Variants in GRIA2 observed in about 807,000 individuals in gnomAD.
The protein encoded by GRIA2 is glutamate ionotropic receptor AMPA type subunit 2, also known as glutamate receptor 2.
GRIA2 carries 14 observed loss-of-function variants against 97.3 expected under a neutral mutation model. That is an observed-to-expected ratio of 0.14 (90% confidence interval 0.10 to 0.23). The LOEUF (loss-of-function observed/expected upper bound fraction) is 0.23. Ranked by LOEUF, GRIA2 falls within the 10% of genes least tolerant of loss-of-function variation. GRIA2 has a pLI of 1.00. For missense variants in GRIA2, 558 were observed against 1,069.8 expected (o/e 0.52, Z 6.67); for synonymous variants, 412 against 387.8 (o/e 1.06, Z -0.73).
At chr4:157,273,567 A>G (rs1019103002) in intron 2 of GRIA2, among the ~76,000 whole-genome samples, 2 of 152,128 alleles carry the variant, frequency 1.3e-5, no homozygotes, top group Non-Finnish European at 2.9e-5. Flanking sequence ...ACTAGAGGTC[A>G]AAAACACTGT....
At chr4:157,282,076 G>T (rs1467911303) in intron 2 of GRIA2, among the ~76,000 whole-genome samples, 2 of 152,028 alleles carry the variant, frequency 1.3e-5, no homozygotes, top group Non-Finnish European at 2.9e-5. Flanking sequence ...TTCCATTTTT[G>T]CTGTGTCCAA....
chr4:157,245,533 T>C (rs981068337), intron 2 of GRIA2, among the ~76,000 whole-genome samples: 46 of 152,086 alleles, frequency 3.0e-4, no homozygotes, highest in Middle Eastern at 6.8e-3. Context: ...TCTAATAACT[T>C]TGGAAAAATG....
chr4:157,341,783 T>A (rs541177968), intron 12 of GRIA2, among the ~76,000 whole-genome samples: 1 of 152,282 alleles, frequency 6.6e-6, no homozygotes, highest in East Asian at 1.9e-4. Context: ...CAGCAAAACA[T>A]CTTATTTTTA....
intron 2 of GRIA2, among the ~76,000 whole-genome samples, chr4:157,275,243 A>C (rs186336722): frequency 0.028 from 4,294 of 152,010 alleles, 116 homozygotes; most frequent in Middle Eastern, 0.13. Flanking sequence ...AATTTGTTTG[A>C]GTTCATTGTA....
chr4:157,289,189 C>T (rs1172390340), intron 2 of GRIA2, among the ~76,000 whole-genome samples: 1 of 151,744 alleles, frequency 6.6e-6, no homozygotes, highest in Admixed American at 6.6e-5. Flanking sequence ...TGAACAGGGG[C>T]TCTTTTTAAA....
chr4:157,303,332 G>A (rs1471470699), intron 2 of GRIA2, among the ~76,000 whole-genome samples: 1 of 151,944 alleles, frequency 6.6e-6, no homozygotes, highest in South Asian at 2.1e-4. Flanking sequence ...GCATTTTCTT[G>A]TAACCAGAAC....
Position 157,363,020 on chromosome 4 carries a change from T to C in GRIA2, c.2628T>C (p.Tyr876=), listed in dbSNP as rs1176159029. 3.1e-6 allele frequency: 5 copies of C among 1,612,668 alleles called. No individual in the cohort carries two copies. In the South Asian group the frequency reaches 3.3e-5, roughly 11 times the overall value. The change falls in exon 15 of 16, where the codon TAT becomes TAC. Residue 876 remains tyrosine, a synonymous_variant. Transcript: ENST00000264426. The part of the protein sequence containing the change: ...FATYKEGYNV[Y]GIESVKI ...CTTATAAGGAAGGTTACAACGTATA[T>C]GGCATCGAAAGTGTTAAAATTTAGG...
At chr4:157,289,701 T>C (rs1175719862) in intron 2 of GRIA2, among the ~76,000 whole-genome samples, 1 of 151,872 alleles carries the variant, frequency 6.6e-6, no homozygotes, top group Non-Finnish European at 1.5e-5. Context: ...ATGGATTATT[T>C]GTCTTATTTG....
At chr4:157,297,843 T>A (rs1733420326) in intron 2 of GRIA2, among the ~76,000 whole-genome samples, 1 of 151,996 alleles carries the variant, frequency 6.6e-6, no homozygotes, top group South Asian at 2.1e-4. Context: ...TATTTTTAAT[T>A]AAAAATTATA....
chr4:157,360,161 A>G lies in GRIA2; in HGVS notation c.2291+18A>G. Reference sequence around the variant, plus strand: ...TCATTAAGGTGGGTGGAATAGTATAACAATATGCTAAATGTTGTTATAGTA... The same window carrying G: ...TCATTAAGGTGGGTGGAATAGTATAGCAATATGCTAAATGTTGTTATAGTA... On this transcript the variant is annotated intron_variant, in intron 13 of 15. Coordinates refer to ENST00000264426, the MANE Select transcript of GRIA2 (RefSeq NM_001083619.3). 6.2e-7 allele frequency: 1 copy of G among 1,610,676 alleles called. No individual in the cohort carries two copies. The highest frequency in any genetic ancestry group is 8.5e-7 in the Non-Finnish European group (1 of 1,177,332).
rs568830351 is a variant in GRIA2, at chr4:157,262,877, A to G, written c.230-40675A>G. On this transcript the variant is annotated intron_variant, in intron 2 of 15. Coordinates refer to ENST00000264426, the MANE Select transcript of GRIA2 (RefSeq NM_001083619.3). ...TTCCATGTATATTAATACCTCCAAA[A>G]TGATTTATTACTGATCAAAGTTGTA... 1.1e-4 allele frequency among the ~76,000 whole-genome samples: 16 copies of G among 152,172 alleles called. 1 individual carries two copies. In the South Asian group the frequency reaches 3.3e-3, roughly 31 times the overall value.
At chr4:157,225,926 A>G (rs1347127102) in intron 2 of GRIA2, among the ~76,000 whole-genome samples, 2 of 152,158 alleles carry the variant, frequency 1.3e-5, no homozygotes, top group African/African-American at 2.4e-5. Context: ...TTTACATTAT[A>G]AAAGATTTTA....
chr4:157,343,423 T>C (rs1735632520), intron 12 of GRIA2, among the ~76,000 whole-genome samples: 2 of 152,074 alleles, frequency 1.3e-5, no homozygotes, highest in African/African-American at 2.4e-5. Context: ...TAGCCAGGGT[T>C]CTTTCCATAC....
intron 2 of GRIA2, among the ~76,000 whole-genome samples, chr4:157,269,301 C>A (rs1731911308): frequency 6.6e-6 from 1 of 152,008 alleles, no homozygotes; most frequent in Admixed American, 6.6e-5. Flanking sequence ...ACTGGAATGA[C>A]CTACCTATGG....
At chr4:157,336,305 C>G in intron 10 of GRIA2, 72 bp from the exon 11 acceptor site, 1 of 1,190,694 alleles carries the variant, frequency 8.4e-7, no homozygotes, top group South Asian at 1.6e-5. Context: ...TTTCTTTGAT[C>G]CAGTGACATA....
chr4:157,222,150 C>T (rs1432801939), intron 2 of GRIA2, among the ~76,000 whole-genome samples: 2 of 152,086 alleles, frequency 1.3e-5, no homozygotes, highest in Non-Finnish European at 2.9e-5. Flanking sequence ...CACCTCGCTC[C>T]CCATCGAGCG....
chr4:157,260,685 A>G (rs762421690), intron 2 of GRIA2, among the ~76,000 whole-genome samples: 18 of 152,102 alleles, frequency 1.2e-4, no homozygotes, highest in African/African-American at 2.9e-4. Context: ...CCCAGTTTCA[A>G]TTGCTATCAC....
intron 2 of GRIA2, among the ~76,000 whole-genome samples, chr4:157,256,484 A>G (rs1253261389): frequency 6.6e-6 from 1 of 151,046 alleles, no homozygotes; most frequent in Non-Finnish European, 1.5e-5. Context: ...ATTGAAGTGT[A>G]TTTTTCTAGT....
intron 2 of GRIA2, among the ~76,000 whole-genome samples, chr4:157,228,193 A>G (rs567822005): frequency 6.6e-6 from 1 of 152,274 alleles, no homozygotes; most frequent in African/African-American, 2.4e-5. Flanking sequence ...ATAGTTATTT[A>G]CCTATTCAAC....
Sources: gnomAD v4.1 joint callset for allele counts (sites outside exome capture counted in the v4.1 genomes callset) on GRCh38, gnomAD v4.1.1 for gene constraint, MANE v1.5 for transcripts, NCBI Gene and HGNC (gene_info 2026-07-23, HGNC 2026-07-21) for gene names.